NALF1: variants seen among roughly 807,000 people sequenced by gnomAD.
NALF1 encodes NALCN channel auxiliary factor 1.
A neutral mutation model predicts 48.4 loss-of-function variants in NALF1; 3 were observed. That is an observed-to-expected ratio of 0.06 (90% CI 0.03 to 0.16). The LOEUF (loss-of-function observed/expected upper bound fraction) is 0.16. Ranked by LOEUF, NALF1 falls within the 10% of genes least tolerant of loss-of-function variation. NALF1 has a pLI of 1.00. For synonymous variants in NALF1, 262 were observed against 245.7 expected, an observed-to-expected ratio of 1.07 and a Z score of -0.62; for missense variants, 526 against 571.5, an observed-to-expected ratio of 0.92 and a Z score of 0.81.
intron 1 of NALF1, among the ~76,000 whole-genome samples, chr13:107,398,571 G>A (rs1030622065): frequency 4.6e-5 from 7 of 152,110 alleles, no homozygotes; most frequent in Non-Finnish European, 1.0e-4. Flanking sequence ...TGCTAGGTTG[G>A]AAATTGATTT....
At chr13:107,419,422 A>C (rs530997063) in intron 1 of NALF1, among the ~76,000 whole-genome samples, 1 of 152,360 alleles carries the variant, frequency 6.6e-6, no homozygotes, top group South Asian at 2.1e-4. Context: ...CCTGTCATGA[A>C]CAGAAAATGA....
intron 1 of NALF1, among the ~76,000 whole-genome samples, chr13:107,450,012 T>C (rs538556046): frequency 8.3e-4 from 126 of 151,722 alleles, no homozygotes; most frequent in Non-Finnish European, 1.5e-3. Flanking sequence ...CAGGAAGAGG[T>C]GGGGGTGGAT....
chr13:107,612,342 G>A (rs1483572451), intron 1 of NALF1, among the ~76,000 whole-genome samples: 1 of 152,088 alleles, frequency 6.6e-6, no homozygotes, highest in Non-Finnish European at 1.5e-5. Context: ...CTAGAGATCT[G>A]TTGTATAACT....
intron 1 of NALF1, among the ~76,000 whole-genome samples, chr13:107,298,622 C>T (rs927198747): frequency 2.6e-5 from 4 of 151,592 alleles, no homozygotes; most frequent in East Asian, 2.0e-4. Flanking sequence ...AGTAGAGATG[C>T]GGTTTCACCA....
intron 1 of NALF1, among the ~76,000 whole-genome samples, chr13:107,623,444 T>C (rs1395081964): frequency 7.3e-6 from 1 of 137,888 alleles, no homozygotes; most frequent in Non-Finnish European, 1.6e-5. Flanking sequence ...GTAAAGAAAT[T>C]AGAAAAAAAA....
chr13:107,641,662 T>C (rs1183149160), intron 1 of NALF1, among the ~76,000 whole-genome samples: 5 of 152,144 alleles, frequency 3.3e-5, no homozygotes, highest in African/African-American at 9.7e-5. Flanking sequence ...AGGCAAGATA[T>C]TACTATTGTA....
chr13:107,366,632 C>T (rs951347592), intron 1 of NALF1, among the ~76,000 whole-genome samples: 5 of 152,296 alleles, frequency 3.3e-5, no homozygotes, highest in African/African-American at 1.2e-4. Flanking sequence ...CTGATTTTTG[C>T]TTTGGAAAAT....
intron 1 of NALF1, among the ~76,000 whole-genome samples, chr13:107,852,873 T>C (rs1240677091): frequency 2.0e-5 from 3 of 152,156 alleles, no homozygotes; most frequent in African/African-American, 4.8e-5. Context: ...AAGAGAAAAG[T>C]ATTATAATCG....
At chr13:107,310,819 C>G (rs1157720749) in intron 1 of NALF1, among the ~76,000 whole-genome samples, 1 of 151,872 alleles carries the variant, frequency 6.6e-6, no homozygotes, top group Non-Finnish European at 1.5e-5. Flanking sequence ...CTGGGACTAC[C>G]GGCACCCACC....
chr13:107,174,501 T>G (rs1043435699), intron 2 of NALF1, among the ~76,000 whole-genome samples: 4 of 151,476 alleles, frequency 2.6e-5, no homozygotes, highest in African/African-American at 9.7e-5. Flanking sequence ...AACTACAGGC[T>G]CCCGCCAACA....
chr13:107,432,991 ACT>A (rs1884407492), intron 1 of NALF1, among the ~76,000 whole-genome samples: 1 of 151,774 alleles, frequency 6.6e-6, no homozygotes, highest in South Asian at 2.1e-4. Context: ...ACACCTTTTG[ACT>A]CTTTTTCCTC....
chr13:107,512,271 A>G (rs115411878), intron 1 of NALF1, among the ~76,000 whole-genome samples: 5,779 of 152,192 alleles, frequency 0.038, 211 homozygotes, highest in African/African-American at 0.09. Context: ...GCACACACCT[A>G]TAGTCTCAGC....
At chr13:107,578,149 C>CTA (rs2138407897) in intron 1 of NALF1, among the ~76,000 whole-genome samples, 2 of 152,280 alleles carry the variant, frequency 1.3e-5, no homozygotes, top group South Asian at 4.1e-4. Context: ...ATTTGAATCT[C>CTA]TGATAGTCTC....
At chr13:107,824,090 A>G (rs986446911) in intron 1 of NALF1, among the ~76,000 whole-genome samples, 1 of 152,028 alleles carries the variant, frequency 6.6e-6, no homozygotes, top group Admixed American at 6.6e-5. Context: ...ATGGCTTTCA[A>G]TAAATGTTTG....
chr13:107,522,511 T>A (rs770809702), intron 1 of NALF1, among the ~76,000 whole-genome samples: 1 of 152,150 alleles, frequency 6.6e-6, no homozygotes, highest in Non-Finnish European at 1.5e-5. Context: ...ACAGGCCACC[T>A]ACTAGATTCA....
At chr13:107,594,942 G>A (rs1158085030) in intron 1 of NALF1, among the ~76,000 whole-genome samples, 1 of 151,962 alleles carries the variant, frequency 6.6e-6, no homozygotes, top group Non-Finnish European at 1.5e-5. Flanking sequence ...AAATATTTGT[G>A]TCCACTGAGT....
intron 1 of NALF1, among the ~76,000 whole-genome samples, chr13:107,818,942 C>T (rs1879272005): frequency 6.7e-6 from 1 of 149,804 alleles, no homozygotes; most frequent in Non-Finnish European, 1.5e-5. Context: ...GTGAAAAGAT[C>T]CAACTATGTT....
chr13:107,835,109 T>C (rs1368883649), intron 1 of NALF1, among the ~76,000 whole-genome samples: 2 of 152,218 alleles, frequency 1.3e-5, no homozygotes, highest in African/African-American at 4.8e-5. Flanking sequence ...ATAGGGTTAG[T>C]TATATTTTTC....
At chr13:107,249,941 G>A (rs1445482156) in intron 1 of NALF1, among the ~76,000 whole-genome samples, 1 of 151,930 alleles carries the variant, frequency 6.6e-6, no homozygotes, top group Non-Finnish European at 1.5e-5. Context: ...TCTCAACCAT[G>A]GTCCTCAACC....
Sources: gnomAD v4.1 joint callset for allele counts (sites outside exome capture counted in the v4.1 genomes callset) on GRCh38, gnomAD v4.1.1 for gene constraint, MANE v1.5 for transcripts, NCBI Gene and HGNC (gene_info 2026-07-23, HGNC 2026-07-21) for gene names.